Variants in GPC6 observed in about 807,000 individuals in gnomAD.
GPC6 encodes the protein glypican-6.
In GPC6, 14 loss-of-function variants were observed where a neutral mutation model predicts 55.2. That is an observed-to-expected ratio of 0.25 (90% confidence interval 0.17 to 0.40). GPC6 has a LOEUF of 0.40. GPC6 is among the 10% of genes least tolerant of loss of function. The pLI, the probability that GPC6 is intolerant of heterozygous loss-of-function variation, is 1.00. For missense variants in GPC6, 641 were observed against 708.5 expected, an observed-to-expected ratio of 0.90 and a Z score of 1.08; for synonymous variants, 278 against 259.6, an observed-to-expected ratio of 1.07 and a Z score of -0.68.
At chr13:93,343,645 T>C (rs1269800890) in intron 1 of GPC6, among the ~76,000 whole-genome samples, 1 of 152,216 alleles carries the variant, frequency 6.6e-6, no homozygotes, top group Non-Finnish European at 1.5e-5. Context: ...GCCCAGCATA[T>C]GAAGACCCTT....
At chr13:93,337,994 A>G (rs558231739) in intron 1 of GPC6, among the ~76,000 whole-genome samples, 2 of 152,324 alleles carry the variant, frequency 1.3e-5, no homozygotes, top group Non-Finnish European at 2.9e-5. Flanking sequence ...AACTGTAGAG[A>G]ACCCCTTTGG....
At chr13:93,382,017 T>G (rs1219494163) in intron 1 of GPC6, among the ~76,000 whole-genome samples, 2 of 152,172 alleles carry the variant, frequency 1.3e-5, no homozygotes, top group Non-Finnish European at 2.9e-5. Context: ...TTTACTTTAA[T>G]GAATATATAT....
intron 4 of GPC6, among the ~76,000 whole-genome samples, chr13:94,116,697 G>T (rs1055688680): frequency 1.3e-5 from 2 of 152,042 alleles, no homozygotes; most frequent in Non-Finnish European, 1.5e-5. Flanking sequence ...TTCTACGATG[G>T]AGAATGAACT....
At chr13:93,986,308 C>A (rs1295865465) in intron 3 of GPC6, among the ~76,000 whole-genome samples, 1 of 152,240 alleles carries the variant, frequency 6.6e-6, no homozygotes, top group East Asian at 1.9e-4. Flanking sequence ...AGACATTCAA[C>A]TCTGTGATCT....
At chr13:94,186,269 T>A (rs1280353714) in intron 4 of GPC6, among the ~76,000 whole-genome samples, 1 of 152,164 alleles carries the variant, frequency 6.6e-6, no homozygotes. Flanking sequence ...GATTTCGGCA[T>A]GATTTTTCTT....
intron 6 of GPC6, among the ~76,000 whole-genome samples, chr13:94,369,876 T>A (rs892775186): frequency 2.6e-5 from 4 of 152,230 alleles, no homozygotes; most frequent in Non-Finnish European, 5.9e-5. Flanking sequence ...AAGTTACATT[T>A]GGAAAGAAGT....
At chr13:94,134,912 G>T (rs1196245378) in intron 4 of GPC6, among the ~76,000 whole-genome samples, 1 of 152,094 alleles carries the variant, frequency 6.6e-6, no homozygotes, top group African/African-American at 2.4e-5. Context: ...AGATCTATTT[G>T]TTGTTTAAGT....
At position 93,342,434 on chromosome 13, in the gene GPC6, A is replaced by G. The variant is rs1210062242; in HGVS notation, c.160+114818A>G. Among the ~76,000 whole-genome samples the G allele has an allele frequency of 2.6e-5, 4 of 152,264 alleles. No homozygotes were observed. In the East Asian group the frequency reaches 7.7e-4, roughly 29 times the overall value. On this transcript the variant is annotated intron_variant, in intron 1 of 8. Coordinates refer to ENST00000377047, the MANE Select transcript of GPC6 (RefSeq NM_005708.5). ...CAGGCAAGAGAGTGTATGCAGGAGAACTGCCCTTTATGAAACCATGAGATC... is the reference window on the plus strand; with the variant it reads ...CAGGCAAGAGAGTGTATGCAGGAGAGCTGCCCTTTATGAAACCATGAGATC...
intron 3 of GPC6, among the ~76,000 whole-genome samples, chr13:93,853,026 A>G (rs1238142403): frequency 3.3e-5 from 5 of 151,798 alleles, no homozygotes; most frequent in African/African-American, 1.2e-4. Flanking sequence ...AAATAATTAC[A>G]AATATTTCTG....
At chr13:93,255,978 A>G (rs750216887) in intron 1 of GPC6, among the ~76,000 whole-genome samples, 8 of 151,528 alleles carry the variant, frequency 5.3e-5, no homozygotes, top group Non-Finnish European at 8.8e-5. Flanking sequence ...TATTAAAAAT[A>G]CAAAAATTAG....
chr13:94,237,336 C>A (rs1426478452), intron 4 of GPC6, among the ~76,000 whole-genome samples: 1 of 152,082 alleles, frequency 6.6e-6, no homozygotes, highest in East Asian at 1.9e-4. Context: ...CCCTTCCTTT[C>A]TTCCTTCTCC....
chr13:93,295,109 C>CAAAAAAAA (rs71202577), intron 1 of GPC6, among the ~76,000 whole-genome samples: 23 of 61,790 alleles, frequency 3.7e-4, no homozygotes, highest in South Asian at 5.8e-4. Flanking sequence ...TCTGTCTCTG[C>CAAAAAAAA]AAAAAAAAAA....
intron 2 of GPC6, among the ~76,000 whole-genome samples, chr13:93,546,657 A>G (rs993415132): frequency 6.6e-6 from 1 of 152,168 alleles, no homozygotes; most frequent in African/African-American, 2.4e-5. Context: ...GCAGCTAGGG[A>G]GTACTTAGGG....
chr13:93,951,757 C>A (rs909468662), intron 3 of GPC6, among the ~76,000 whole-genome samples: 2 of 152,012 alleles, frequency 1.3e-5, no homozygotes, highest in African/African-American at 4.8e-5. Flanking sequence ...GAACTGATAG[C>A]AGCAGCAAAA....
At chr13:94,393,724 C>T (rs1386754477) in intron 7 of GPC6, among the ~76,000 whole-genome samples, 3 of 152,066 alleles carry the variant, frequency 2.0e-5, no homozygotes, top group African/African-American at 4.8e-5. Flanking sequence ...ACCAGGCTAA[C>T]CTTCCTTGCT....
chr13:94,317,998 A>T (rs144928796), intron 6 of GPC6, among the ~76,000 whole-genome samples: 6 of 152,312 alleles, frequency 3.9e-5, no homozygotes, highest in African/African-American at 1.4e-4. Context: ...TTTTATATAA[A>T]TGTTTGTGAT....
At chr13:93,998,904 A>G (rs1301232972) in intron 3 of GPC6, among the ~76,000 whole-genome samples, 1 of 152,152 alleles carries the variant, frequency 6.6e-6, no homozygotes, top group Non-Finnish European at 1.5e-5. Flanking sequence ...TATAGTCACT[A>G]TGTTGTATAA....
chr13:94,382,543 A>G lies in GPC6; in HGVS notation c.1282A>G (p.Lys428Glu). 3 of 1,614,110 alleles carry G rather than the reference A, an allele frequency of 1.9e-6. No homozygotes were observed. The highest frequency in any genetic ancestry group is 2.5e-6 in the Non-Finnish European group (3 of 1,179,988). Residue 428 changes from lysine (K) to glutamate (E), a missense_variant, in exon 7 of 9, where the codon AAA (lysine) becomes GAA (glutamate). Transcript: ENST00000377047. ...NEEECWNGHS[K>E]ARYLPEIMND... is the part of the protein sequence containing the mutation. Reference sequence around the variant, plus strand: ...GGAGGAATGCTGGAACGGGCACAGCAAAGCCAGGTGAGGGTGACTCGATGT... The same window carrying G: ...GGAGGAATGCTGGAACGGGCACAGCGAAGCCAGGTGAGGGTGACTCGATGT...
At chr13:93,777,555 A>G (rs977684358) in intron 2 of GPC6, among the ~76,000 whole-genome samples, 1 of 152,196 alleles carries the variant, frequency 6.6e-6, no homozygotes, top group Non-Finnish European at 1.5e-5. Flanking sequence ...TGGGGAAAAG[A>G]TAGCTTTTGT....
Sources: allele counts gnomAD v4.1 joint callset (sites outside exome capture counted in the v4.1 genomes callset), GRCh38; gene constraint gnomAD v4.1.1; transcripts MANE v1.5; gene names NCBI Gene and HGNC (gene_info 2026-07-23, HGNC 2026-07-21).